Variants in MEOX2 observed in about 807,000 individuals in gnomAD.
MEOX2 encodes the protein mesenchyme homeobox 2.
Under a neutral mutation model 27.0 loss-of-function variants are expected in MEOX2, and 11 were observed. The ratio of observed to expected loss-of-function variants is 0.41; its 90% confidence interval spans 0.26 to 0.68. The LOEUF (loss-of-function observed/expected upper bound fraction) is 0.68. Ranked by LOEUF, MEOX2 falls within the 30% of genes least tolerant of loss-of-function variation. MEOX2 has a pLI of 0.33. For synonymous variants in MEOX2, 189 were observed against 155.4 expected, an observed-to-expected ratio of 1.22 and a Z score of -1.61; for missense variants, 436 against 385.4, an observed-to-expected ratio of 1.13 and a Z score of -1.10.
intron 1 of MEOX2, among the ~76,000 whole-genome samples, chr7:15,677,921 A>T (rs1243360782): frequency 1.3e-5 from 2 of 152,222 alleles, no homozygotes; most frequent in Admixed American, 6.5e-5. Flanking sequence ...TTTCCTAAAC[A>T]TCTGGGTATT....
At chr7:15,684,060 T>C (rs986658775) in intron 1 of MEOX2, among the ~76,000 whole-genome samples, 1 of 152,226 alleles carries the variant, frequency 6.6e-6, no homozygotes, top group African/African-American at 2.4e-5. Context: ...AGTTATTGAA[T>C]TCCGTTTTCT....
At chr7:15,681,860 T>C (rs1327608559) in intron 1 of MEOX2, 2 of 151,832 alleles carry the variant, frequency 1.3e-5, no homozygotes, top group African/African-American at 4.8e-5. Context: ...TTATGATTTT[T>C]CTTTTAAAAT....
In MEOX2 at chr7:15,611,650, G is replaced by C. The variant is rs1781033081; in HGVS notation, c.*737C>G. The C allele has an allele frequency of 6.6e-6, 1 of 152,560 alleles. No homozygotes were observed. The highest frequency in any genetic ancestry group is 2.4e-5 in the African/African-American group (1 of 41,432). The allele number at this position is 152,560 out of a possible 1,614,324, so 9.5% of individuals were successfully genotyped here. On this transcript the variant is annotated 3_prime_UTR_variant, in exon 3 of 3. Transcript: ENST00000262041. The stretch of plus-strand genomic sequence containing the variant: ...TGTTTTGTCTGTGGTACAAGAATAT[G>C]TCCTATCAGACTCTACTGTATTTTT...
rs949300115 is a variant in MEOX2, at chr7:15,640,239, GTTGTGTGTGTGTGT to G, written c.518-13335_518-13322del. 1.3e-4 allele frequency among the ~76,000 whole-genome samples: 20 copies of G among 149,462 alleles called. 1 individual carries two copies. In the Admixed American group the frequency reaches 1.3e-3, roughly 10 times the overall value. On this transcript the variant is annotated intron_variant, in intron 1 of 2. Transcript: ENST00000262041. ...GGTTTGTTGTTGTTGCTGTTTGGGG[GTTGTGTGTGTGTGT>G]TTGTGTGTGTGTGTGTGTGTGTGTG...
chr7:15,617,954 G>T (rs1481634547), intron 2 of MEOX2, among the ~76,000 whole-genome samples: 1 of 152,028 alleles, frequency 6.6e-6, no homozygotes, highest in Admixed American at 6.6e-5. Context: ...TATTGAACAA[G>T]GATTAACCCT....
chr7:15,678,910 G>A (rs781293621), intron 1 of MEOX2: 1 of 151,958 alleles, frequency 6.6e-6, no homozygotes, highest in Non-Finnish European at 1.5e-5. Flanking sequence ...TTTTTTCCTT[G>A]TAGCATTATG....
intron 1 of MEOX2, among the ~76,000 whole-genome samples, chr7:15,653,804 C>A (rs551477045): frequency 6.6e-6 from 1 of 151,954 alleles, no homozygotes; most frequent in Non-Finnish European, 1.5e-5. Flanking sequence ...CAATACCACA[C>A]AGTTTTGATT....
chr7:15,661,087 T>TA (rs1409312446), intron 1 of MEOX2, among the ~76,000 whole-genome samples: 1 of 148,982 alleles, frequency 6.7e-6, no homozygotes, highest in African/African-American at 2.5e-5. Context: ...GAAGAGGGGT[T>TA]GTTGTAATGT....
At chr7:15,663,005 G>C (rs17336881) in intron 1 of MEOX2, among the ~76,000 whole-genome samples, 30,060 of 151,910 alleles carry the variant, frequency 0.2, 3,693 homozygotes, top group East Asian at 0.32. Context: ...AATAATTCAA[G>C]GATGTAAGTA....
chr7:15,624,567 C>G (rs1781268852), intron 2 of MEOX2, among the ~76,000 whole-genome samples: 1 of 152,078 alleles, frequency 6.6e-6, no homozygotes. Context: ...CTTCTATCAC[C>G]ATTGGAAGGA....
At chr7:15,660,301 G>C (rs1781891807) in intron 1 of MEOX2, among the ~76,000 whole-genome samples, 1 of 152,158 alleles carries the variant, frequency 6.6e-6, no homozygotes, top group Non-Finnish European at 1.5e-5. Flanking sequence ...ATTAGCAGGA[G>C]AGTGTAGGCT....
chr7:15,619,582 A>T (rs1418238524), intron 2 of MEOX2, among the ~76,000 whole-genome samples: 1 of 151,894 alleles, frequency 6.6e-6, no homozygotes, highest in Non-Finnish European at 1.5e-5. Context: ...GGCTCATTTT[A>T]TTTGTGTGTG....
At position 15,661,012 on chromosome 7, in the gene MEOX2, CAAAAAAAAAAAAAAAAA is replaced by C. The variant is rs71004402; in HGVS notation, c.517+24857_517+24873del. 6.3e-4 allele frequency among the ~76,000 whole-genome samples: 28 copies of C among 44,342 alleles called. No individual in the cohort carries two copies. In the South Asian group the frequency reaches 0.048, roughly 76 times the overall value. 29.1% of individuals were successfully genotyped at this position (44,342 alleles called of 152,430 possible). A position where few individuals can be genotyped will look rare whatever the true frequency, so the allele number is the denominator to read the frequency against. ...TTGGCAACAGAGCGAGACTCAGTCTCAAAAAAAAAAAAAAAAAAAAAAAAAAAAAGAGAAAGAGAGAG... is the reference window on the plus strand; with the variant it reads ...TTGGCAACAGAGCGAGACTCAGTCTCAAAAAAAAAAAAGAGAAAGAGAGAG... On this transcript the variant is annotated intron_variant, in intron 1 of 2. Transcript: ENST00000262041.
Position 15,685,863 on chromosome 7 carries a change from G to C in MEOX2, c.517+23C>G, listed in dbSNP as rs745379359. Reference sequence around the variant, plus strand: ...CTTTTCCAGCCCGGCGCGCACTCTCGAGGGTGCCTGGCGCGCCCTTACCTG... The same window carrying C: ...CTTTTCCAGCCCGGCGCGCACTCTCCAGGGTGCCTGGCGCGCCCTTACCTG... On this transcript the variant is annotated intron_variant, in intron 1 of 2. Transcript: ENST00000262041. 2.7e-5 allele frequency: 42 copies of C among 1,563,416 alleles called. No individual in the cohort carries two copies. In the Admixed American group the frequency reaches 5.3e-4, roughly 20 times the overall value.
chr7:15,628,907 CCTT>C (rs1194188817), intron 1 of MEOX2, among the ~76,000 whole-genome samples: 1 of 152,080 alleles, frequency 6.6e-6, no homozygotes, highest in African/African-American at 2.4e-5. Context: ...GATAGCAAGA[CCTT>C]CTCACAAGCA....
intron 1 of MEOX2, among the ~76,000 whole-genome samples, chr7:15,641,361 TTTTGTTTGTTTG>T (rs199726252): frequency 3.3e-5 from 5 of 152,068 alleles, no homozygotes; most frequent in East Asian, 1.9e-4. Flanking sequence ...CTTCCTTGTT[TTTTGTTTGTTTG>T]TTTGTTTGTT....
chr7:15,661,464 AT>A (rs1369599476), intron 1 of MEOX2, among the ~76,000 whole-genome samples: 1 of 152,214 alleles, frequency 6.6e-6, no homozygotes, highest in Non-Finnish European at 1.5e-5. Flanking sequence ...GAATTTTGGA[AT>A]GCGTTTTGCT....
rs561867178 is a variant in MEOX2 at position 15,686,105 on chromosome 7, G to A, written c.298C>T (p.Pro100Ser). 3.2e-5 allele frequency: 50 copies of A among 1,585,012 alleles called. No individual in the cohort carries two copies. In the African/African-American group the frequency reaches 4.3e-4, roughly 14 times the overall value. ...TNWHLPQMSS[P>S]PSAARHSLCL... ...AGGCTGTGCCGAGCCGCACTCGGTGGGGAAGACATCTGCGGGAGGTGCCAG... is the reference window on the plus strand; with the variant it reads ...AGGCTGTGCCGAGCCGCACTCGGTGAGGAAGACATCTGCGGGAGGTGCCAG... The change falls in exon 1 of 3, where the codon CCA (proline) becomes TCA (serine). Residue 100 changes from proline to serine, a missense_variant. Transcript: ENST00000262041.
chr7:15,685,498 C>G, intron 1 of MEOX2, among the ~76,000 whole-genome samples: 1 of 152,168 alleles, frequency 6.6e-6, no homozygotes, highest in Non-Finnish European at 1.5e-5. Flanking sequence ...AGAGAAAAGT[C>G]AAGAAGCGGC....
Sources: allele counts gnomAD v4.1 joint callset (sites outside exome capture counted in the v4.1 genomes callset), GRCh38; gene constraint gnomAD v4.1.1; transcripts MANE v1.5; gene names NCBI Gene and HGNC (gene_info 2026-07-23, HGNC 2026-07-21).